Variants in VEPH1 observed in about 807,000 individuals in gnomAD.
VEPH1 encodes ventricular zone expressed PH domain containing 1, also known as ventricular zone-expressed PH domain-containing protein homolog 1.
A neutral mutation model predicts 85.2 loss-of-function variants in VEPH1; 80 were observed. That is an observed-to-expected ratio of 0.94 (90% confidence interval 0.78 to 1.13). VEPH1 has a LOEUF of 1.13. Ranked by LOEUF, VEPH1 falls within the 50% of genes most tolerant of loss-of-function variation. The probability of loss-of-function intolerance (pLI) is 0.00; values close to 1 mark genes in which losing one functional copy is unlikely to be tolerated. For synonymous variants in VEPH1, 297 were observed against 348.0 expected, an observed-to-expected ratio of 0.85 and a Z score of 1.63; for missense variants, 955 against 980.5, an observed-to-expected ratio of 0.97 and a Z score of 0.35.
chr3:157,336,938 T>C (rs946739829), intron 9 of VEPH1, among the ~76,000 whole-genome samples: 2 of 152,210 alleles, frequency 1.3e-5, no homozygotes, highest in African/African-American at 4.8e-5. Context: ...GACTTTTATA[T>C]GGGAAGTTTG....
intron 2 of VEPH1, among the ~76,000 whole-genome samples, chr3:157,471,024 C>G (rs986629517): frequency 6.6e-6 from 1 of 152,162 alleles, no homozygotes; most frequent in African/African-American, 2.4e-5. Flanking sequence ...TTTCCCCAAC[C>G]AGGTTTTCCT....
intron 4 of VEPH1, among the ~76,000 whole-genome samples, chr3:157,429,824 TA>T (rs1410843322): frequency 6.6e-6 from 1 of 152,206 alleles, no homozygotes; most frequent in Non-Finnish European, 1.5e-5. Flanking sequence ...GATCAACTGC[TA>T]AAAATGGTCA....
chr3:157,358,552 T>A (rs1360682303), intron 9 of VEPH1, among the ~76,000 whole-genome samples: 1 of 152,190 alleles, frequency 6.6e-6, no homozygotes, highest in Non-Finnish European at 1.5e-5. Context: ...ATTAAGTGGA[T>A]GGGCGTAATC....
chr3:157,488,598 T>C (rs560885989), intron 2 of VEPH1, among the ~76,000 whole-genome samples: 6 of 151,952 alleles, frequency 3.9e-5, no homozygotes, highest in African/African-American at 1.4e-4. Flanking sequence ...ACTCAGTCTT[T>C]GGACTTTTTA....
chr3:157,400,072 C>G (rs1344897054), intron 6 of VEPH1, among the ~76,000 whole-genome samples: 2 of 151,966 alleles, frequency 1.3e-5, no homozygotes, highest in Non-Finnish European at 2.9e-5. Flanking sequence ...ATCATTTTGT[C>G]AATTGTAAAA....
rs1438827357 is a variant in VEPH1, at chr3:157,503,282, T to C, written c.-163A>G. On this transcript the variant is annotated 5_prime_UTR_variant, in exon 1 of 14. Coordinates refer to ENST00000362010, the MANE Select transcript of VEPH1 (RefSeq NM_001167912.2). ...ATGAAAGAAGATAGCCATACCTCTT[T>C]GCACAGGAATCTCTGGTCATAGAAA... 6.6e-6 allele frequency: 1 copy of C among 152,230 alleles called. No homozygotes were observed. Among genetic ancestry groups the C allele is most frequent in the East Asian group, 1.9e-4 (1 of 5,198 alleles). The allele number at this position is 152,230 out of a possible 1,614,324, so 9.4% of individuals were successfully genotyped here. A position where few individuals can be genotyped will look rare whatever the true frequency, so the allele number is the denominator to read the frequency against.
intron 11 of VEPH1, among the ~76,000 whole-genome samples, chr3:157,311,426 A>AT (rs1720096576): frequency 6.6e-6 from 1 of 152,212 alleles, no homozygotes; most frequent in South Asian, 2.1e-4. Context: ...ACTTTGCACC[A>AT]TTCTTACAGC....
intron 6 of VEPH1, among the ~76,000 whole-genome samples, chr3:157,408,100 AG>A (rs1228848345): frequency 6.6e-6 from 1 of 152,138 alleles, no homozygotes; most frequent in East Asian, 1.9e-4. Flanking sequence ...CTCAGTCTAC[AG>A]TGGTGAGTGC....
At chr3:157,493,943 G>C (rs928297398) in intron 2 of VEPH1, among the ~76,000 whole-genome samples, 1 of 152,202 alleles carries the variant, frequency 6.6e-6, no homozygotes, top group Non-Finnish European at 1.5e-5. Context: ...TTGCAGAGGA[G>C]TGTGAAAGAA....
At chr3:157,361,108 C>T (rs9857875) in intron 9 of VEPH1, among the ~76,000 whole-genome samples, 104,978 of 152,064 alleles carry the variant, frequency 0.69, 36,538 homozygotes, top group East Asian at 0.78. Flanking sequence ...AATAGATACA[C>T]AGATTATTAG....
intron 9 of VEPH1, among the ~76,000 whole-genome samples, chr3:157,355,762 T>A (rs1034459904): frequency 1.3e-5 from 2 of 152,240 alleles, no homozygotes; most frequent in Admixed American, 1.3e-4. Flanking sequence ...CAGTTTTACA[T>A]TTCCTGCATT....
chr3:157,402,733 T>TA (rs1730871170), intron 6 of VEPH1, among the ~76,000 whole-genome samples: 3 of 152,280 alleles, frequency 2.0e-5, no homozygotes, highest in Admixed American at 2.0e-4. Flanking sequence ...TTATTAATCT[T>TA]AAAAAGCAAT....
chr3:157,450,468 G>T (rs140358273), intron 4 of VEPH1, among the ~76,000 whole-genome samples: 121 of 151,970 alleles, frequency 8.0e-4, no homozygotes, highest in African/African-American at 2.9e-3. Flanking sequence ...GTCTAGGCTA[G>T]GGCTTCTGTG....
chr3:157,452,345 T>C (rs1229822029), intron 4 of VEPH1, among the ~76,000 whole-genome samples: 1 of 152,076 alleles, frequency 6.6e-6, no homozygotes, highest in Non-Finnish European at 1.5e-5. Context: ...TGGTGAGATA[T>C]GAAAGTCGGA....
intron 2 of VEPH1, among the ~76,000 whole-genome samples, chr3:157,477,044 T>C (rs1737535819): frequency 6.6e-6 from 1 of 152,206 alleles, no homozygotes; most frequent in African/African-American, 2.4e-5. Flanking sequence ...CTTCTTGTTA[T>C]AGTTGCAAAT....
At chr3:157,452,387 G>C (rs2109312868) in intron 4 of VEPH1, among the ~76,000 whole-genome samples, 1 of 152,326 alleles carries the variant, frequency 6.6e-6, no homozygotes, top group Admixed American at 6.5e-5. Context: ...ATGTGAAAGA[G>C]GAACGAGGGT....
rs1577168141 is a variant in VEPH1, at chr3:157,260,915, G to A, written c.*219C>T. 1 of 559,756 alleles carries A rather than the reference G, an allele frequency of 1.8e-6. No individual in the cohort carries two copies. The highest frequency in any genetic ancestry group is 3.1e-6 in the Non-Finnish European group (1 of 327,808). 34.7% of individuals were successfully genotyped at this position (559,756 alleles called of 1,614,324 possible). On this transcript the variant is annotated 3_prime_UTR_variant, in exon 14 of 14. Transcript: ENST00000362010. ...GCTCCTTTTATTTTATTTTATTTTT[G>A]TGGGCATCAGATATATTCTGAAGTC...
intron 2 of VEPH1, among the ~76,000 whole-genome samples, chr3:157,493,826 C>A (rs1401141426): frequency 2.6e-5 from 4 of 152,148 alleles, no homozygotes. Context: ...CCACTAGTGA[C>A]CTCTAGTGGA....
At position 157,305,590 on chromosome 3, in the gene VEPH1, C is replaced by T. The variant is rs182944325; in HGVS notation, c.2010+8031G>A. On this transcript the variant is annotated intron_variant, in intron 11 of 13. Coordinates refer to ENST00000362010, the MANE Select transcript of VEPH1 (RefSeq NM_001167912.2). ...TAAGTTTTGTACATGTTTCAGATTA[C>T]TTCTTTAGAACAGATTCTTAGAAGT... Among the ~76,000 whole-genome samples the T allele has an allele frequency of 4.6e-5, 7 of 152,214 alleles. No individual in the cohort carries two copies. In the East Asian group the frequency reaches 1.2e-3, roughly 25 times the overall value.
Sources: allele counts gnomAD v4.1 joint callset (sites outside exome capture counted in the v4.1 genomes callset), GRCh38; gene constraint gnomAD v4.1.1; transcripts MANE v1.5; gene names NCBI Gene and HGNC (gene_info 2026-07-23, HGNC 2026-07-21).